The following ZNF678 variants were observed in gnomAD, a reference collection of about 807,000 sequenced individuals.
The protein encoded by ZNF678 is hypothetical protein MGC42493.
A neutral mutation model predicts 3.0 loss-of-function variants in ZNF678; 5 were observed. The observed-to-expected ratio is 1.69, with a 90% CI of 0.88 to 3.56. The LOEUF (loss-of-function observed/expected upper bound fraction) is 3.56, where lower values mean the gene tolerates loss of function less well. Among genes scored for constraint, ZNF678 ranks in the 30% most tolerant of loss-of-function variants. The pLI, the probability that ZNF678 is intolerant of heterozygous loss-of-function variation, is 0.00. For synonymous variants in ZNF678, 218 were observed against 199.6 expected, an observed-to-expected ratio of 1.09 and a Z score of -0.78; for missense variants, 593 against 605.0, an observed-to-expected ratio of 0.98 and a Z score of 0.21.
chr1:227,572,449 T>C (rs1296822437), intron 1 of ZNF678, among the ~76,000 whole-genome samples: 5 of 152,222 alleles, frequency 3.3e-5, no homozygotes, highest in Non-Finnish European at 7.3e-5. Flanking sequence ...GGTCCAAAAC[T>C]GCGGATGCTT....
intron 1 of ZNF678, among the ~76,000 whole-genome samples, chr1:227,626,444 C>T (rs1488423150): frequency 6.6e-6 from 1 of 152,160 alleles, no homozygotes; most frequent in African/African-American, 2.4e-5. Context: ...TTCACTAATA[C>T]CATGTCACCA....
intron 1 of ZNF678, among the ~76,000 whole-genome samples, chr1:227,620,652 T>G (rs1658258541): frequency 6.6e-6 from 1 of 152,156 alleles, no homozygotes; most frequent in South Asian, 2.1e-4. Flanking sequence ...TTTTTAAAGA[T>G]AAAAGGGGCA....
intron 5 of ZNF678, among the ~76,000 whole-genome samples, chr1:227,676,383 CAA>C (rs1446416671): frequency 6.6e-6 from 1 of 152,098 alleles, no homozygotes; most frequent in Non-Finnish European, 1.5e-5. Flanking sequence ...TACAGGGAAA[CAA>C]GAGCCATGAA....
intron 1 of ZNF678, among the ~76,000 whole-genome samples, chr1:227,581,923 A>G (rs73092604): frequency 0.011 from 1,640 of 152,210 alleles, 34 homozygotes; most frequent in African/African-American, 0.038. Context: ...AACATTTCGT[A>G]TGTTTTCTTT....
chr1:227,663,241 C>T (rs1271522407), downstream of ZNF678, among the ~76,000 whole-genome samples: 2 of 152,140 alleles, frequency 1.3e-5, no homozygotes, highest in African/African-American at 2.4e-5. Flanking sequence ...ATTATGACAG[C>T]GTAGCAAACT....
intron 1 of ZNF678, among the ~76,000 whole-genome samples, chr1:227,564,835 G>A (rs1446740136): frequency 6.6e-6 from 1 of 151,974 alleles, no homozygotes; most frequent in Non-Finnish European, 1.5e-5. Context: ...GGGTTCAAGC[G>A]ATTCTCCTGC....
At chr1:227,639,040 A>G (rs776622514) in intron 1 of ZNF678, among the ~76,000 whole-genome samples, 5 of 152,190 alleles carry the variant, frequency 3.3e-5, no homozygotes, top group African/African-American at 1.2e-4. Flanking sequence ...GGCAAGGCCA[A>G]TGAGATCCAA....
At chr1:227,671,683 G>C (rs16848042) in intron 5 of ZNF678, among the ~76,000 whole-genome samples, 18,895 of 151,980 alleles carry the variant, frequency 0.12, 1,637 homozygotes, top group East Asian at 0.39. Flanking sequence ...ACCACCTTTA[G>C]CTATGACTCT....
chr1:227,642,472 C>G (rs1160729334), intron 1 of ZNF678, among the ~76,000 whole-genome samples: 1 of 152,150 alleles, frequency 6.6e-6, no homozygotes, highest in Non-Finnish European at 1.5e-5. Flanking sequence ...ACAACTACAC[C>G]TCACATGTGA....
downstream of ZNF678, among the ~76,000 whole-genome samples, chr1:227,666,195 G>C (rs1426304495): frequency 6.6e-6 from 1 of 152,124 alleles, no homozygotes; most frequent in Non-Finnish European, 1.5e-5. Flanking sequence ...GAATATTGGA[G>C]GATTTGCCTC....
chr1:227,679,170 T>C (rs918923195), downstream of ZNF678, among the ~76,000 whole-genome samples: 2 of 149,040 alleles, frequency 1.3e-5, no homozygotes, highest in African/African-American at 5.0e-5. Flanking sequence ...AGGAAGTAAA[T>C]AGAAAAGAGT....
intron 1 of ZNF678, among the ~76,000 whole-genome samples, chr1:227,566,327 G>A (rs183424746): frequency 1.0e-3 from 155 of 152,324 alleles, no homozygotes; most frequent in African/African-American, 3.6e-3. Context: ...ATTGCCTGGA[G>A]ACACATCAGT....
intron 1 of ZNF678, among the ~76,000 whole-genome samples, chr1:227,644,389 G>T (rs757509726): frequency 1.3e-5 from 2 of 152,190 alleles, no homozygotes; most frequent in Non-Finnish European, 2.9e-5. Context: ...TTGTGCACAA[G>T]TTGTTTCCCA....
intron 1 of ZNF678, among the ~76,000 whole-genome samples, chr1:227,565,093 GT>G (rs1656640019): frequency 9.7e-6 from 1 of 103,592 alleles, no homozygotes; most frequent in African/African-American, 3.8e-5. Flanking sequence ...TTGAGTTGGA[GT>G]CTCGCTCTGT....
chr1:227,675,084 T>G (rs955582310), intron 5 of ZNF678, among the ~76,000 whole-genome samples: 5 of 152,222 alleles, frequency 3.3e-5, no homozygotes, highest in African/African-American at 9.6e-5. Flanking sequence ...CCCTAAAATT[T>G]ACATATTGAA....
chr1:227,654,041 G>T (rs1659151852), intron 3 of ZNF678, among the ~76,000 whole-genome samples: 1 of 151,960 alleles, frequency 6.6e-6, no homozygotes, highest in African/African-American at 2.4e-5. Context: ...GCTGTATTGG[G>T]GTGGAAGAAA....
chr1:227,567,357 C>G (rs1340603042), intron 1 of ZNF678, among the ~76,000 whole-genome samples: 2 of 152,160 alleles, frequency 1.3e-5, no homozygotes. Flanking sequence ...ATGAATAGCC[C>G]TGACTGGAAA....
chr1:227,577,355 A>C (rs1657011858), intron 1 of ZNF678, among the ~76,000 whole-genome samples: 1 of 152,186 alleles, frequency 6.6e-6, no homozygotes, highest in Admixed American at 6.5e-5. Flanking sequence ...CCCTACTATT[A>C]CTGTGTGGGA....
intron 1 of ZNF678, among the ~76,000 whole-genome samples, chr1:227,627,226 G>C (rs1204472244): frequency 6.6e-6 from 1 of 151,828 alleles, no homozygotes; most frequent in Non-Finnish European, 1.5e-5. Context: ...GAAAGGTTTG[G>C]TGAAGGGTTT....
Sources: gnomAD v4.1 joint callset for allele counts (sites outside exome capture counted in the v4.1 genomes callset) on GRCh38, gnomAD v4.1.1 for gene constraint, MANE v1.5 for transcripts, NCBI Gene and HGNC (gene_info 2026-07-23, HGNC 2026-07-21) for gene names.